Variants in TMEFF2 observed in about 807,000 individuals in gnomAD.
TMEFF2 encodes transmembrane protein with EGF like and two follistatin like domains 2.
Under a neutral mutation model 53.8 loss-of-function variants are expected in TMEFF2, and 28 were observed. The ratio of observed to expected loss-of-function variants is 0.52; its 90% CI spans 0.39 to 0.71. The LOEUF is 0.71. Among genes scored for constraint, TMEFF2 ranks in the 30% least tolerant of loss-of-function variants. The pLI is 0.00. For synonymous variants in TMEFF2, 162 were observed against 166.3 expected, an observed-to-expected ratio of 0.97 and a Z score of 0.20; for missense variants, 353 against 455.2, an observed-to-expected ratio of 0.78 and a Z score of 2.04.
At chr2:192,116,247 T>C (rs1332935062) in intron 4 of TMEFF2, among the ~76,000 whole-genome samples, 2 of 151,962 alleles carry the variant, frequency 1.3e-5, no homozygotes, top group African/African-American at 2.4e-5. Flanking sequence ...AGACAAATAC[T>C]ATATAATCTC....
chr2:192,078,146 T>TG (rs907412756), intron 4 of TMEFF2, among the ~76,000 whole-genome samples: 2 of 152,176 alleles, frequency 1.3e-5, no homozygotes. Context: ...TGATGGGTTC[T>TG]GGATGACTGA....
At chr2:192,190,889 A>AT (rs549086701) in intron 2 of TMEFF2, among the ~76,000 whole-genome samples, 1 of 152,096 alleles carries the variant, frequency 6.6e-6, no homozygotes, top group African/African-American at 2.4e-5. Context: ...GTTCTATATC[A>AT]TTTTTATTCT....
intron 4 of TMEFF2, among the ~76,000 whole-genome samples, chr2:192,114,089 TG>T: frequency 6.6e-6 from 1 of 150,470 alleles, no homozygotes; most frequent in African/African-American, 2.5e-5. Flanking sequence ...TGTGTGTGTG[TG>T]TGTGTGTGTG....
chr2:192,089,173 G>T (rs1688733444), intron 4 of TMEFF2, among the ~76,000 whole-genome samples: 1 of 151,964 alleles, frequency 6.6e-6, no homozygotes, highest in African/African-American at 2.4e-5. Flanking sequence ...CAAAGCTCTT[G>T]CTCCCTAGGC....
At chr2:192,081,800 CTTTTTTT>C (rs900552541) in intron 4 of TMEFF2, among the ~76,000 whole-genome samples, 3 of 130,354 alleles carry the variant, frequency 2.3e-5, no homozygotes, top group South Asian at 2.4e-4. Context: ...AACGATTTCC[CTTTTTTT>C]TTTTTTTTTT....
chr2:192,083,612 GA>G (rs1164527064), intron 4 of TMEFF2, among the ~76,000 whole-genome samples: 1 of 151,638 alleles, frequency 6.6e-6, no homozygotes, highest in Non-Finnish European at 1.5e-5. Flanking sequence ...TCAAGTAGTA[GA>G]AAAAAATCCT....
chr2:192,135,338 A>ACC (rs1689973809), intron 4 of TMEFF2, among the ~76,000 whole-genome samples: 1 of 152,006 alleles, frequency 6.6e-6, no homozygotes, highest in African/African-American at 2.4e-5. Context: ...CTCTAATCAG[A>ACC]TGTCCTAGGT....
rs1176821713 is a variant in TMEFF2 at position 191,949,525 on chromosome 2, A to C, written c.*786T>G. 1.0e-6 allele frequency: 1 copy of C among 985,252 alleles called. No homozygotes were observed. The highest frequency in any genetic ancestry group is 1.7e-5 in the African/African-American group (1 of 57,208). The allele number at this position is 985,252 out of a possible 1,614,324, so 61.0% of individuals were successfully genotyped here. ...CATTTTTCCCCTGGTAATTCCACCCACCTAAATGGAATATATTTTGCCACT... is the reference window on the plus strand; with the variant it reads ...CATTTTTCCCCTGGTAATTCCACCCCCCTAAATGGAATATATTTTGCCACT... On this transcript the variant is annotated 3_prime_UTR_variant, in exon 10 of 10. Coordinates refer to ENST00000272771, the MANE Select transcript of TMEFF2 (RefSeq NM_016192.4).
At chr2:192,075,312 T>TATATATATATATAAATATAA (rs1559115171) in intron 4 of TMEFF2, among the ~76,000 whole-genome samples, 21 of 105,760 alleles carry the variant, frequency 2.0e-4, no homozygotes, top group African/African-American at 8.1e-4. Flanking sequence ...TATATATATA[T>TATATATATATATAAATATAA]ATATATATAT....
At chr2:191,966,058 A>G (rs576742920) in intron 7 of TMEFF2, among the ~76,000 whole-genome samples, 2 of 152,142 alleles carry the variant, frequency 1.3e-5, no homozygotes, top group African/African-American at 2.4e-5. Context: ...ATGAATACAT[A>G]GTTTTTAAAA....
chr2:192,105,554 A>T (rs557278856), intron 4 of TMEFF2, among the ~76,000 whole-genome samples: 2 of 151,978 alleles, frequency 1.3e-5, no homozygotes, highest in African/African-American at 4.8e-5. Context: ...GCTGTTAGGT[A>T]TGTTGTCCAA....
intron 4 of TMEFF2, among the ~76,000 whole-genome samples, chr2:192,075,767 G>A (rs1260373579): frequency 6.6e-6 from 1 of 151,948 alleles, no homozygotes; most frequent in African/African-American, 2.4e-5. Flanking sequence ...GAAGCACACT[G>A]AAGAAGCTAA....
Position 192,190,364 on chromosome 2 carries a change from G to A in TMEFF2, c.282+1516C>T, listed in dbSNP as rs185963895. 1.2e-4 allele frequency among the ~76,000 whole-genome samples: 19 copies of A among 152,084 alleles called. No homozygotes were observed. The South Asian group carries it at 2.3e-3, about 18-fold the overall frequency. On this transcript the variant is annotated intron_variant, in intron 2 of 9. Coordinates refer to ENST00000272771, the MANE Select transcript of TMEFF2 (RefSeq NM_016192.4). ...TTATGGAAATCACAAAGGGAAAGAAGGAAAAAATTCACAAAATTCTCTGGG... is the reference window on the plus strand; with the variant it reads ...TTATGGAAATCACAAAGGGAAAGAAAGAAAAAATTCACAAAATTCTCTGGG...
chr2:192,003,867 C>G (rs968300690), intron 5 of TMEFF2, among the ~76,000 whole-genome samples: 1 of 148,686 alleles, frequency 6.7e-6, no homozygotes, highest in South Asian at 2.1e-4. Flanking sequence ...GGGAAGTTTA[C>G]ATTCATGGGG....
chr2:191,985,480 T>TA (rs569688058), intron 7 of TMEFF2, among the ~76,000 whole-genome samples: 14 of 143,300 alleles, frequency 9.8e-5, no homozygotes, highest in Non-Finnish European at 1.9e-4. Flanking sequence ...CTAGTGAAGA[T>TA]AAAAAACAAA....
intron 4 of TMEFF2, among the ~76,000 whole-genome samples, chr2:192,086,940 G>T (rs949843527): frequency 6.6e-6 from 1 of 151,652 alleles, no homozygotes; most frequent in Non-Finnish European, 1.5e-5. Context: ...GAAAATAATT[G>T]AAGTATATAT....
Position 191,976,062 on chromosome 2 carries a change from C to G in TMEFF2, c.746-19684G>C, listed in dbSNP as rs114359047. Among the ~76,000 whole-genome samples the G allele has an allele frequency of 7.7e-3, 1,171 of 152,250 alleles. 8 individuals carry two copies. Among genetic ancestry groups the G allele is most frequent in the Non-Finnish European group, 0.012 (845 of 68,016 alleles). On this transcript the variant is annotated intron_variant, in intron 7 of 9. Transcript: ENST00000272771. ...TCACAACACATAATTGATATGTTATCTAAGTCAAATAGTTTGGTAATTGAC... is the reference window on the plus strand; with the variant it reads ...TCACAACACATAATTGATATGTTATGTAAGTCAAATAGTTTGGTAATTGAC...
At chr2:191,996,267 G>A (rs1359256801) in intron 7 of TMEFF2, among the ~76,000 whole-genome samples, 1 of 151,832 alleles carries the variant, frequency 6.6e-6, no homozygotes, top group Non-Finnish European at 1.5e-5. Flanking sequence ...AACTTGAAGA[G>A]TTCTTTGTTT....
intron 5 of TMEFF2, among the ~76,000 whole-genome samples, chr2:192,000,437 T>G (rs141092747): frequency 1.3e-5 from 2 of 152,306 alleles, no homozygotes; most frequent in African/African-American, 4.8e-5. Flanking sequence ...ACTCATAGAT[T>G]TGTTAAGCTA....
Sources: gnomAD v4.1 joint callset for allele counts (sites outside exome capture counted in the v4.1 genomes callset) on GRCh38, gnomAD v4.1.1 for gene constraint, MANE v1.5 for transcripts, NCBI Gene and HGNC (gene_info 2026-07-23, HGNC 2026-07-21) for gene names.